The following PAXIP1 variants were observed in gnomAD, a reference collection of about 807,000 sequenced individuals.
The protein encoded by PAXIP1 is PAX interacting protein 1.
A neutral mutation model predicts 140.6 loss-of-function variants in PAXIP1; 19 were observed. That is an observed-to-expected ratio of 0.14 (90% CI 0.09 to 0.20). PAXIP1 has a LOEUF of 0.20. Among genes scored for constraint, PAXIP1 ranks in the 10% least tolerant of loss-of-function variants. The probability of loss-of-function intolerance (pLI) is 1.00; values close to 1 mark genes in which losing one functional copy is unlikely to be tolerated. For synonymous variants in PAXIP1, 442 were observed against 444.6 expected, an observed-to-expected ratio of 0.99 and a Z score of 0.07; for missense variants, 920 against 1,208.6, an observed-to-expected ratio of 0.76 and a Z score of 3.54.
rs1164625590 is a variant in PAXIP1, at chr7:154,973,337, AG to A, written c.1074+2358del. On this transcript the variant is annotated intron_variant, in intron 6 of 20. Transcript: ENST00000404141. This position sits in a 1 kb window ranked among gnomAD's most constrained non-coding sequence, Gnocchi z 4.0. ...AGCTCCTAACGGGCAGCTGCTGTTC[AG>A]TTACAAGGCACTGTCACCACCCAGG... Among the ~76,000 whole-genome samples, 2 of 152,164 alleles carry A rather than the reference AG, an allele frequency of 1.3e-5. No individual in the cohort carries two copies. Among genetic ancestry groups the A allele is most frequent in the African/African-American group, 4.8e-5 (2 of 41,438 alleles).
intron 11 of PAXIP1, 143 bp from the exon 12 acceptor site, chr7:154,961,220 C>T: frequency 1.5e-6 from 1 of 681,136 alleles, no homozygotes; most frequent in Admixed American, 3.2e-5. Context: ...TTGAGGGTGA[C>T]CCTGAATGGT....
At chr7:154,979,965 A>G (rs1391498176) in intron 5 of PAXIP1, among the ~76,000 whole-genome samples, 1 of 152,162 alleles carries the variant, frequency 6.6e-6, no homozygotes, top group Non-Finnish European at 1.5e-5. Flanking sequence ...ACGCAGTGAC[A>G]CTAAAGAAGA....
chr7:154,956,960 C>A lies in PAXIP1; in HGVS notation c.2549+264G>T. 3.3e-6 allele frequency: 1 copy of A among 301,384 alleles called. No homozygotes were observed. Among genetic ancestry groups the A allele is most frequent in the Non-Finnish European group, 6.1e-6 (1 of 164,138 alleles). The allele number at this position is 301,384 out of a possible 1,614,324, so 18.7% of individuals were successfully genotyped here. On this transcript the variant is annotated intron_variant, in intron 14 of 20. Transcript: ENST00000404141. This position sits in a 1 kb window ranked among gnomAD's most constrained non-coding sequence, Gnocchi z 4.2. ...TAGACCTCCCACCCCACTTCCACCA[C>A]TGCAACTTCTGTTTTACATGTTGGA...
chr7:154,961,405 A>C (rs1417541557), intron 11 of PAXIP1, 122 bp downstream of exon 11: 1 of 761,896 alleles, frequency 1.3e-6, no homozygotes, highest in African/African-American at 1.8e-5. Context: ...ACTTTAACAG[A>C]CTTTGATTTC....
intron 20 of PAXIP1, chr7:154,945,873 C>T: frequency 1.0e-6 from 1 of 985,220 alleles, no homozygotes; most frequent in Non-Finnish European, 1.2e-6. Flanking sequence ...GCCTAGGTGT[C>T]AATATTCTAA....
chr7:154,998,574 G>T, intron 2 of PAXIP1, 76 bp downstream of exon 2: 2 of 989,968 alleles, frequency 2.0e-6, no homozygotes, highest in Non-Finnish European at 3.0e-6. Context: ...CCTGAAAAGA[G>T]CTATAGTGAA....
At chr7:154,945,061 C>G (rs1307422970) in intron 20 of PAXIP1, 1 of 150,350 alleles carries the variant, frequency 6.7e-6, no homozygotes, top group Non-Finnish European at 1.5e-5. Context: ...GATATTGGCT[C>G]ACTGCAACCC....
In PAXIP1 at chr7:154,947,969, T is replaced by C. The variant is rs61752003; in HGVS notation, c.2856A>G (p.Ala952=). ...EQNYILRDAE[A]EVLFSFSLEE... ...CCAAGCTGAAAGAGAAAAGTACTTC[T>C]GCCTCAGCATCTCGGAGAATGTAGT... Residue 952 remains alanine (A), a synonymous_variant, in exon 17 of 21, where the codon GCA becomes GCG. Coordinates refer to ENST00000404141, the MANE Select transcript of PAXIP1 (RefSeq NM_007349.4). The C allele has an allele frequency of 5.3e-3, 8,630 of 1,613,456 alleles. 405 individuals carry two copies. In the African/African-American group the frequency reaches 0.1, roughly 19 times the overall value.
chr7:155,002,802 G>T, intron 1 of PAXIP1, 47 bp downstream of exon 1: 2 of 1,128,102 alleles, frequency 1.8e-6, no homozygotes, highest in South Asian at 1.8e-5. Context: ...GGGGACGGAC[G>T]GGGACGCGGA....
At chr7:154,952,266 C>A (rs181118548) in intron 16 of PAXIP1, 8 of 152,308 alleles carry the variant, frequency 5.3e-5, no homozygotes, top group Admixed American at 2.0e-4. Context: ...TATGAACCCA[C>A]AATCAGTGTC....
Position 154,968,480 on chromosome 7 carries a change from G to T in PAXIP1, c.1721C>A (p.Pro574Gln). ...TGGCTGCTGTTGCTGCTGCTGCTGCGGGGGCTGCTGAGGTGGAACCTGATG... is the reference window on the plus strand; with the variant it reads ...TGGCTGCTGTTGCTGCTGCTGCTGCTGGGGCTGCTGAGGTGGAACCTGATG... ...LQHQVPPQQP[P>Q]QQQQQQQPPP... The change falls in exon 7 of 21, where the codon CCG becomes CAG. Residue 574 changes from proline to glutamine, a missense_variant. Pro to Gln is a moderately conservative substitution (Grantham distance 76, BLOSUM62 -1). Around this residue, in one of 5 missense-constraint regions of PAXIP1, gnomAD observed 133 missense variants for 88.4 expected, o/e 1.50. Transcript: ENST00000404141. The T allele has an allele frequency of 1.6e-6, 2 of 1,217,848 alleles. No individual in the cohort carries two copies. The highest frequency in any genetic ancestry group is 2.4e-6 in the Non-Finnish European group (2 of 845,406). 75.4% of individuals were successfully genotyped at this position (1,217,848 alleles called of 1,614,324 possible). A position where few individuals can be genotyped will look rare whatever the true frequency, so the allele number is the denominator to read the frequency against.
In PAXIP1 at chr7:154,946,034, AGCT is replaced by A; in HGVS notation, c.3194+328_3194+330del. 8 of 983,762 alleles carry A rather than the reference AGCT, an allele frequency of 8.1e-6. No homozygotes were observed. The highest frequency in any genetic ancestry group is 9.7e-6 in the Non-Finnish European group (8 of 828,374). The allele number at this position is 983,762 out of a possible 1,614,324, so 60.9% of individuals were successfully genotyped here. ...TTGGAAAACTACAAACTCAAAGGTG[AGCT>A]GATAAAAAGAAACATATATTTATTT... On this transcript the variant is annotated intron_variant, in intron 20 of 20. Coordinates refer to ENST00000404141, the MANE Select transcript of PAXIP1 (RefSeq NM_007349.4). This position sits in a 1 kb window ranked among gnomAD's most constrained non-coding sequence, Gnocchi z 4.9.
intron 1 of PAXIP1, chr7:155,001,076 G>C (rs1286782840): frequency 6.6e-6 from 1 of 152,210 alleles, no homozygotes; most frequent in Non-Finnish European, 1.5e-5. Context: ...CCTCATATTA[G>C]ATGGTCAACA....
intron 2 of PAXIP1, among the ~76,000 whole-genome samples, chr7:154,995,784 G>C (rs538466401): frequency 1.3e-5 from 2 of 152,216 alleles, no homozygotes; most frequent in Admixed American, 1.3e-4. Context: ...CTGAGGCAGA[G>C]GGTGCAGTGA....
intron 5 of PAXIP1, among the ~76,000 whole-genome samples, chr7:154,976,843 A>G (rs1448102730): frequency 6.6e-6 from 1 of 152,226 alleles, no homozygotes; most frequent in Non-Finnish European, 1.5e-5. Flanking sequence ...CTCATGCTAT[A>G]TGCCAAGCAG....
chr7:154,992,110 C>T (rs535049089), intron 3 of PAXIP1, among the ~76,000 whole-genome samples: 1 of 152,166 alleles, frequency 6.6e-6, no homozygotes, highest in African/African-American at 2.4e-5. Flanking sequence ...AAAGGCAAAT[C>T]TCAGAGTGCA....
At chr7:154,964,761 A>G (rs756187846) in intron 8 of PAXIP1, 6 of 152,228 alleles carry the variant, frequency 3.9e-5, no homozygotes, top group Non-Finnish European at 8.8e-5. Context: ...TGTTTAGATC[A>G]TTCATCAGTG....
At chr7:154,969,154 T>C (rs979001249) in intron 6 of PAXIP1, 28 bp from the exon 7 acceptor site, 2 of 1,445,256 alleles carry the variant, frequency 1.4e-6, no homozygotes, top group Non-Finnish European at 1.8e-6. Context: ...GGTGAAACAT[T>C]ATCAACAGTT....
At position 154,968,464 on chromosome 7, in the gene PAXIP1, TTGCTGC is replaced by T; in HGVS notation, c.1731_1736del (p.Gln580_Gln581del). The T allele has an allele frequency of 1.4e-6, 2 of 1,399,750 alleles. No homozygotes were observed. The highest frequency in any genetic ancestry group is 2.0e-6 in the Non-Finnish European group (2 of 1,008,356). 86.7% of individuals were successfully genotyped at this position (1,399,750 alleles called of 1,614,324 possible). A position where few individuals can be genotyped will look rare whatever the true frequency, so the allele number is the denominator to read the frequency against. Reference sequence around the variant, plus strand: ...GCTGAGGCGATGGTGGTGGCTGCTGTTGCTGCTGCTGCTGCGGGGGCTGCTGAGGTG... The same window carrying T: ...GCTGAGGCGATGGTGGTGGCTGCTGTTGCTGCTGCGGGGGCTGCTGAGGTG... On this transcript the variant is annotated inframe_deletion, in exon 7 of 21. Coordinates refer to ENST00000404141, the MANE Select transcript of PAXIP1 (RefSeq NM_007349.4).
Sources: allele counts gnomAD v4.1 joint callset (sites outside exome capture counted in the v4.1 genomes callset), GRCh38; gene constraint gnomAD v4.1.1; regional missense constraint gnomAD v4.1.1; non-coding constraint Gnocchi (gnomAD v3.1); transcripts MANE v1.5; gene names NCBI Gene and HGNC (gene_info 2026-07-23, HGNC 2026-07-21).